CNTN5: variants seen among roughly 807,000 people sequenced by gnomAD.
CNTN5 encodes the protein contactin 5.
Under a neutral mutation model 129.1 loss-of-function variants are expected in CNTN5, and 77 were observed. The observed-to-expected ratio is 0.60, with a 90% confidence interval of 0.50 to 0.72. The LOEUF (loss-of-function observed/expected upper bound fraction) is 0.72. Among genes scored for constraint, CNTN5 ranks in the 30% least tolerant of loss-of-function variants. The probability of loss-of-function intolerance (pLI) is 0.00; values close to 1 mark genes in which losing one functional copy is unlikely to be tolerated. For synonymous variants in CNTN5, 509 were observed against 465.6 expected, an observed-to-expected ratio of 1.09 and a Z score of -1.20; for missense variants, 1,478 against 1,328.8, an observed-to-expected ratio of 1.11 and a Z score of -1.75.
chr11:99,644,992 C>T (rs184211628), intron 3 of CNTN5, among the ~76,000 whole-genome samples: 10 of 151,064 alleles, frequency 6.6e-5, no homozygotes, highest in South Asian at 2.1e-4. Flanking sequence ...TGAGGTCAGG[C>T]GTGGTGGCTT....
intron 3 of CNTN5, among the ~76,000 whole-genome samples, chr11:99,588,119 G>A (rs1041569825): frequency 6.6e-6 from 1 of 152,074 alleles, no homozygotes; most frequent in Admixed American, 6.5e-5. Flanking sequence ...CGAGGCGGGC[G>A]GATCACGATG....
At chr11:99,645,388 T>C (rs79170809) in intron 3 of CNTN5, among the ~76,000 whole-genome samples, 8 of 151,662 alleles carry the variant, frequency 5.3e-5, no homozygotes, top group Admixed American at 5.3e-4. Context: ...CAGTACCCAG[T>C]AATGGGATTG....
At chr11:99,599,828 G>A (rs1950258765) in intron 3 of CNTN5, among the ~76,000 whole-genome samples, 1 of 151,906 alleles carries the variant, frequency 6.6e-6, no homozygotes, top group African/African-American at 2.4e-5. Context: ...ATCCATATAG[G>A]AAAATGACAG....
chr11:99,247,242 T>C (rs1025478668), intron 1 of CNTN5, among the ~76,000 whole-genome samples: 2 of 152,070 alleles, frequency 1.3e-5, no homozygotes, highest in African/African-American at 4.8e-5. Context: ...ACATTTTTAT[T>C]CTCTCTCCAT....
chr11:99,834,755 T>G (rs1011492240), intron 4 of CNTN5, among the ~76,000 whole-genome samples: 2 of 152,008 alleles, frequency 1.3e-5, no homozygotes, highest in African/African-American at 4.8e-5. Flanking sequence ...GAGACTAAGA[T>G]AGATGGGGTT....
At chr11:99,838,742 C>T (rs539301180) in intron 4 of CNTN5, among the ~76,000 whole-genome samples, 2 of 152,262 alleles carry the variant, frequency 1.3e-5, no homozygotes, top group South Asian at 4.1e-4. Context: ...CTTACCATGT[C>T]GGCCTCTCCA....
intron 9 of CNTN5, among the ~76,000 whole-genome samples, chr11:100,039,892 A>G (rs967517149): frequency 1.1e-4 from 17 of 152,098 alleles, no homozygotes. Context: ...CAAAGCTTTC[A>G]ACTTCTTTGC....
intron 16 of CNTN5, among the ~76,000 whole-genome samples, chr11:100,236,742 G>C (rs1949622105): frequency 6.6e-6 from 1 of 152,062 alleles, no homozygotes; most frequent in Non-Finnish European, 1.5e-5. Context: ...AAGCTATGCA[G>C]AGCCTTCTGG....
chr11:99,358,255 A>T (rs867839186), intron 2 of CNTN5, among the ~76,000 whole-genome samples: 14 of 46,926 alleles, frequency 3.0e-4, no homozygotes, highest in South Asian at 2.3e-3. Context: ...CGCCCTGCTG[A>T]TTTTTTTTTT....
chr11:100,297,637 C>G lies in CNTN5; in HGVS notation c.2327C>G (p.Ala776Gly), dbSNP rs752579089. 2 of 1,606,378 alleles carry G rather than the reference C, an allele frequency of 1.2e-6. No individual in the cohort carries two copies. Among genetic ancestry groups the G allele is most frequent in the South Asian group, 2.2e-5 (2 of 90,128 alleles). The change falls in exon 19 of 25, where the codon GCA (alanine) becomes GGA (glycine). Residue 776 changes from alanine to glycine, a missense_variant. By Grantham distance (60) the Ala-to-Gly change is moderately conservative (BLOSUM62 0). Coordinates refer to ENST00000524871, the MANE Select transcript of CNTN5 (RefSeq NM_014361.4). ...TTTTTATCCACAGTTCCGAAGACAG[C>G]ACCCACCAATGTAAGCGGAAGAAGT... ...IRTNEAVPKT[A>G]PTNVSGRSGR...
intron 3 of CNTN5, among the ~76,000 whole-genome samples, chr11:99,611,467 C>A (rs76841284): frequency 1.1e-4 from 17 of 152,000 alleles, no homozygotes; most frequent in Non-Finnish European, 2.1e-4. Context: ...ATTTATCTGG[C>A]GGCTTAGAAA....
rs138273228 is a variant in CNTN5, at chr11:99,189,250, C to T, written c.-209-136096C>T. On this transcript the variant is annotated intron_variant, in intron 1 of 24. Transcript: ENST00000524871. ...ATATACATTTATACATATATATACACGTACATATATATTTATACTACATTT... is the reference window on the plus strand; with the variant it reads ...ATATACATTTATACATATATATACATGTACATATATATTTATACTACATTT... Among the ~76,000 whole-genome samples, 37 of 151,630 alleles carry T rather than the reference C, an allele frequency of 2.4e-4. No individual in the cohort carries two copies. In the East Asian group the frequency reaches 5.8e-3, roughly 24 times the overall value.
intron 15 of CNTN5, among the ~76,000 whole-genome samples, chr11:100,194,911 G>GGAGA (rs1565332649): frequency 6.7e-6 from 1 of 149,468 alleles, no homozygotes; most frequent in Non-Finnish European, 1.5e-5. Context: ...CCAATTAATA[G>GGAGA]GAGAGAGTAT....
intron 4 of CNTN5, among the ~76,000 whole-genome samples, chr11:99,839,548 C>A (rs1947412752): frequency 6.6e-6 from 1 of 152,000 alleles, no homozygotes; most frequent in African/African-American, 2.4e-5. Context: ...CCCTGTGAAC[C>A]ACGCAGATGT....
chr11:99,709,940 C>A (rs1011806496), intron 3 of CNTN5, among the ~76,000 whole-genome samples: 1 of 151,782 alleles, frequency 6.6e-6, no homozygotes, highest in African/African-American at 2.4e-5. Context: ...GAGTTTATAT[C>A]AGTGATTAAA....
At chr11:99,657,336 T>C (rs2135903272) in intron 3 of CNTN5, among the ~76,000 whole-genome samples, 1 of 152,124 alleles carries the variant, frequency 6.6e-6, no homozygotes, top group South Asian at 2.1e-4. Flanking sequence ...TATACCTGCA[T>C]CTATTTTGGG....
At chr11:100,002,403 A>G (rs535429881) in intron 9 of CNTN5, among the ~76,000 whole-genome samples, 4 of 152,248 alleles carry the variant, frequency 2.6e-5, no homozygotes, top group East Asian at 3.9e-4. Context: ...ATCTTTACCT[A>G]TGTATCTTAA....
At position 99,987,574 on chromosome 11, in the gene CNTN5, CAGAG is replaced by C. The variant is rs1392228814; in HGVS notation, c.878-14453_878-14450del. On this transcript the variant is annotated intron_variant, in intron 8 of 24. Transcript: ENST00000524871. ...ACACACACACACATACATATATGCA[CAGAG>C]AGAGAGGAAAGAGATTAACTTGGTG... Among the ~76,000 whole-genome samples the C allele has an allele frequency of 4.0e-5, 6 of 150,316 alleles. No individual in the cohort carries two copies. The East Asian group carries it at 9.8e-4, about 25-fold the overall frequency.
In CNTN5 at chr11:100,040,681, G is replaced by A. The variant is rs181133036; in HGVS notation, c.981-20531G>A. Among the ~76,000 whole-genome samples the A allele has an allele frequency of 9.5e-4, 145 of 152,218 alleles. 1 individual carries two copies. The East Asian group carries it at 9.9e-3, about 10-fold the overall frequency. On this transcript the variant is annotated intron_variant, in intron 9 of 24. Coordinates refer to ENST00000524871, the MANE Select transcript of CNTN5 (RefSeq NM_014361.4). ...AACAACTAACTCATCAATGGTGGGC[G>A]CCCCTCCCCCAGCCTCACTGCCGCC...
Sources: allele counts gnomAD v4.1 joint callset (sites outside exome capture counted in the v4.1 genomes callset), GRCh38; gene constraint gnomAD v4.1.1; transcripts MANE v1.5; gene names NCBI Gene and HGNC (gene_info 2026-07-23, HGNC 2026-07-21).